Variants in CDC42SE2 observed in about 807,000 individuals in gnomAD.
CDC42SE2 encodes the protein CDC42 small effector 2, also known as CDC42 small effector protein 2.
In CDC42SE2, 3 loss-of-function variants were observed where a neutral mutation model predicts 11.5. The observed-to-expected ratio is 0.26, with a 90% confidence interval of 0.12 to 0.67. CDC42SE2 has a LOEUF of 0.67. Ranked by LOEUF, CDC42SE2 falls within the 30% of genes least tolerant of loss-of-function variation. The pLI is 0.80. For missense variants in CDC42SE2, 82 were observed against 106.8 expected (o/e 0.77, Z 1.02); for synonymous variants, 33 against 34.8 (o/e 0.95, Z 0.18).
intron 2 of CDC42SE2, among the ~76,000 whole-genome samples, chr5:131,333,959 T>C (rs529274280): frequency 1.1e-4 from 17 of 152,338 alleles, no homozygotes; most frequent in African/African-American, 4.1e-4. Context: ...CTTTATTCCC[T>C]TCTCCTGCCT....
intron 2 of CDC42SE2, among the ~76,000 whole-genome samples, chr5:131,328,719 T>A (rs938934283): frequency 1.3e-5 from 2 of 152,228 alleles, no homozygotes; most frequent in African/African-American, 4.8e-5. Flanking sequence ...TATAGATGTG[T>A]CTATTTGTCT....
intron 4 of CDC42SE2, among the ~76,000 whole-genome samples, chr5:131,388,317 CATT>C (rs1475869624): frequency 6.6e-6 from 1 of 152,132 alleles, no homozygotes; most frequent in East Asian, 1.9e-4. Flanking sequence ...TTGAAAGTAT[CATT>C]GATAGTACTG....
the CDC42SE2 span, among the ~76,000 whole-genome samples, chr5:131,233,501 G>C: frequency 1.3e-5 from 2 of 152,148 alleles, no homozygotes; most frequent in African/African-American, 4.8e-5. Flanking sequence ...CCAAGCAGCT[G>C]GGATTATAGG....
Position 131,317,495 on chromosome 5 carries a change from C to T in CDC42SE2, c.-286+1351C>T, listed in dbSNP as rs574869831. Among the ~76,000 whole-genome samples, 102 of 152,012 alleles carry T rather than the reference C, an allele frequency of 6.7e-4. 1 individual carries two copies. Among genetic ancestry groups the T allele is most frequent in the African/African-American group, 2.3e-3 (97 of 41,456 alleles). On this transcript the variant is annotated intron_variant, in intron 2 of 4. Transcript: ENST00000505065. The stretch of plus-strand genomic sequence containing the variant: ...AGATTCCCTAAAGTGTGCATCCCCA[C>T]TCTGTTCTTAGGACTGTGTGTTTTG...
chr5:131,230,388 T>C, the CDC42SE2 span, among the ~76,000 whole-genome samples: 1 of 152,206 alleles, frequency 6.6e-6, no homozygotes, highest in Non-Finnish European at 1.5e-5. Flanking sequence ...ACCACTTAAG[T>C]ATTTCAAACA....
chr5:131,332,595 G>T (rs1276678859), intron 2 of CDC42SE2, among the ~76,000 whole-genome samples: 1 of 152,086 alleles, frequency 6.6e-6, no homozygotes, highest in Non-Finnish European at 1.5e-5. Flanking sequence ...CAGTGTAAAA[G>T]TGTTCCTATT....
chr5:131,265,086 T>G (rs1445733685), intron 1 of CDC42SE2, among the ~76,000 whole-genome samples: 2 of 152,212 alleles, frequency 1.3e-5, no homozygotes. Flanking sequence ...ACTCCTTGAT[T>G]ATGATTAAGG....
chr5:131,370,737 T>TC (rs1749992896), intron 3 of CDC42SE2, among the ~76,000 whole-genome samples: 2 of 152,238 alleles, frequency 1.3e-5, no homozygotes, highest in African/African-American at 4.8e-5. Context: ...TGTGCAAATC[T>TC]CCATCTTTTC....
chr5:131,274,157 G>A (rs1280849543), intron 1 of CDC42SE2, among the ~76,000 whole-genome samples: 2 of 151,950 alleles, frequency 1.3e-5, no homozygotes, highest in Admixed American at 6.6e-5. Context: ...TGCGTACTCC[G>A]CATTTTTAAG....
the CDC42SE2 span, among the ~76,000 whole-genome samples, chr5:131,238,375 C>A: frequency 6.6e-6 from 1 of 151,774 alleles, no homozygotes; most frequent in African/African-American, 2.4e-5. Flanking sequence ...TGGTGGCGGG[C>A]GCCTGTAGTA....
chr5:131,306,036 C>T (rs1209930873), intron 1 of CDC42SE2, among the ~76,000 whole-genome samples: 4 of 152,152 alleles, frequency 2.6e-5, no homozygotes, highest in Non-Finnish European at 5.9e-5. Flanking sequence ...TTGCATTCTG[C>T]AGTTTGAGTT....
intron 2 of CDC42SE2, among the ~76,000 whole-genome samples, chr5:131,340,661 A>G (rs1758690697): frequency 6.7e-6 from 1 of 149,754 alleles, no homozygotes. Flanking sequence ...TAAAGAGCAC[A>G]TATTACTGAA....
chr5:131,294,639 C>T (rs925389870), intron 1 of CDC42SE2, among the ~76,000 whole-genome samples: 1 of 152,024 alleles, frequency 6.6e-6, no homozygotes, highest in African/African-American at 2.4e-5. Context: ...GGGTAGGGAA[C>T]AGGAGATTGC....
intron 2 of CDC42SE2, among the ~76,000 whole-genome samples, chr5:131,351,539 C>T (rs1759011714): frequency 6.6e-6 from 1 of 152,146 alleles, no homozygotes; most frequent in Non-Finnish European, 1.5e-5. Flanking sequence ...CAGGCGTGAG[C>T]CACCGTGCCC....
intron 2 of CDC42SE2, among the ~76,000 whole-genome samples, chr5:131,316,660 G>C (rs1178846690): frequency 6.6e-6 from 1 of 152,168 alleles, no homozygotes; most frequent in African/African-American, 2.4e-5. Flanking sequence ...CTGATATTAC[G>C]TAGATGTGAT....
chr5:131,222,729 A>G, the CDC42SE2 span, among the ~76,000 whole-genome samples: 3 of 152,196 alleles, frequency 2.0e-5, no homozygotes, highest in African/African-American at 7.2e-5. Flanking sequence ...CGTCTTCTTT[A>G]ACAGTGAGAT....
At chr5:131,272,689 T>TA (rs1416238085) in intron 1 of CDC42SE2, among the ~76,000 whole-genome samples, 2 of 152,158 alleles carry the variant, frequency 1.3e-5, no homozygotes, top group African/African-American at 4.8e-5. Context: ...CTCCCATCTT[T>TA]AAAAAAACAC....
At chr5:131,233,454 G>A in the CDC42SE2 span, among the ~76,000 whole-genome samples, 4 of 152,052 alleles carry the variant, frequency 2.6e-5, no homozygotes, top group Non-Finnish European at 2.9e-5. Flanking sequence ...CGCAACCTCC[G>A]CCTCCTGGGT....
intron 1 of CDC42SE2, among the ~76,000 whole-genome samples, chr5:131,270,471 T>C (rs1207992028): frequency 6.6e-6 from 1 of 152,242 alleles, no homozygotes; most frequent in Non-Finnish European, 1.5e-5. Flanking sequence ...AAAGCAAAAA[T>C]GAATTTTGAG....
Sources: allele counts gnomAD v4.1 joint callset (sites outside exome capture counted in the v4.1 genomes callset), GRCh38; gene constraint gnomAD v4.1.1; transcripts MANE v1.5; gene names NCBI Gene and HGNC (gene_info 2026-07-23, HGNC 2026-07-21).